Variants in ADAMTSL1 observed in about 807,000 individuals in gnomAD.
The protein encoded by ADAMTSL1 is ADAMTS-like protein 1.
Under a neutral mutation model 201.8 loss-of-function variants are expected in ADAMTSL1, and 126 were observed. The ratio of observed to expected loss-of-function variants is 0.62; its 90% CI spans 0.54 to 0.72. The LOEUF is 0.72. ADAMTSL1 is among the 30% of genes least tolerant of loss of function. The probability of loss-of-function intolerance (pLI) is 0.00; values close to 1 mark genes in which losing one functional copy is unlikely to be tolerated. For missense variants in ADAMTSL1, 2,679 were observed against 2,277.8 expected (o/e 1.18, Z -3.59); for synonymous variants, 1,121 against 903.4 (o/e 1.24, Z -4.32).
chr9:18,431,739 A>G (rs901864150), intron 2 of ADAMTSL1, among the ~76,000 whole-genome samples: 3 of 152,056 alleles, frequency 2.0e-5, no homozygotes, highest in African/African-American at 7.2e-5. Context: ...CCATTCTCCT[A>G]ACTTTTCTTC....
chr9:18,430,040 T>G (rs527429757), intron 2 of ADAMTSL1, among the ~76,000 whole-genome samples: 2 of 152,282 alleles, frequency 1.3e-5, no homozygotes, highest in South Asian at 4.1e-4. Flanking sequence ...TCCACCCATG[T>G]CAGCCTCCCA....
intron 15 of ADAMTSL1, among the ~76,000 whole-genome samples, chr9:18,741,197 C>G (rs548064000): frequency 6.6e-6 from 1 of 151,854 alleles, no homozygotes; most frequent in African/African-American, 2.4e-5. Flanking sequence ...TCTAAAAACC[C>G]GTAAAATCAA....
At chr9:18,442,971 T>C (rs552958253) in intron 2 of ADAMTSL1, among the ~76,000 whole-genome samples, 3 of 152,312 alleles carry the variant, frequency 2.0e-5, no homozygotes, top group South Asian at 4.1e-4. Context: ...GCTCCTTCCA[T>C]GCCAGCCCCT....
At chr9:18,726,066 C>T (rs1349669247) in intron 15 of ADAMTSL1, among the ~76,000 whole-genome samples, 2 of 152,180 alleles carry the variant, frequency 1.3e-5, no homozygotes, top group East Asian at 1.9e-4. Context: ...GAAATAGGAT[C>T]ATAGTAGGCA....
At position 18,884,018 on chromosome 9, in the gene ADAMTSL1, T is replaced by C. The variant is rs902797007; in HGVS notation, c.4250-3813T>C. ...ACTGTTTTCCACAACAGCTGTTCCA[T>C]TTTATATTCCCACTAGCAATGCACA... On this transcript the variant is annotated intron_variant, in intron 23 of 28. Transcript: ENST00000380548. 1.3e-5 allele frequency among the ~76,000 whole-genome samples: 2 copies of C among 152,350 alleles called. 1 individual carries two copies. The highest frequency in any genetic ancestry group is 4.1e-4 in the South Asian group (2 of 4,824).
intron 1 of ADAMTSL1, among the ~76,000 whole-genome samples, chr9:17,915,991 C>G (rs1468118698): frequency 6.6e-6 from 1 of 152,104 alleles, no homozygotes; most frequent in Non-Finnish European, 1.5e-5. Flanking sequence ...ATGATCTTGG[C>G]TCACTGAAAC....
chr9:18,766,317 A>T (rs186490840), intron 16 of ADAMTSL1, among the ~76,000 whole-genome samples: 2 of 152,190 alleles, frequency 1.3e-5, no homozygotes, highest in Admixed American at 6.5e-5. Context: ...AGTATAGATT[A>T]TATTCTCATT....
At chr9:18,638,292 A>G (rs911532903) in intron 6 of ADAMTSL1, among the ~76,000 whole-genome samples, 2 of 152,096 alleles carry the variant, frequency 1.3e-5, no homozygotes, top group Non-Finnish European at 2.9e-5. Context: ...TAGGTACTTG[A>G]GTGCCTCCAG....
chr9:18,100,843 C>T (rs1412010713), intron 1 of ADAMTSL1, among the ~76,000 whole-genome samples: 1 of 152,308 alleles, frequency 6.6e-6, no homozygotes, highest in East Asian at 1.9e-4. Flanking sequence ...AAATTGACCT[C>T]CTATGTTTTC....
chr9:18,465,587 T>G (rs1820972295), intron 2 of ADAMTSL1, among the ~76,000 whole-genome samples: 1 of 152,158 alleles, frequency 6.6e-6, no homozygotes, highest in South Asian at 2.1e-4. Flanking sequence ...CTTGCTCCAC[T>G]GAATGTCCTT....
chr9:18,160,003 C>T (rs1293742685), intron 1 of ADAMTSL1, among the ~76,000 whole-genome samples: 2 of 151,986 alleles, frequency 1.3e-5, no homozygotes, highest in Non-Finnish European at 2.9e-5. Context: ...CCTATATTTA[C>T]CTATGTCCCT....
At chr9:18,772,831 C>T (rs1820770713) in intron 17 of ADAMTSL1, among the ~76,000 whole-genome samples, 1 of 152,172 alleles carries the variant, frequency 6.6e-6, no homozygotes, top group Non-Finnish European at 1.5e-5. Flanking sequence ...TCCTGGTCTT[C>T]CTCAAGAGGA....
In ADAMTSL1 at chr9:18,675,890, C is replaced by G; in HGVS notation, c.1119C>G (p.Leu373=). 3.1e-6 allele frequency: 5 copies of G among 1,613,056 alleles called. No individual in the cohort carries two copies. The East Asian group carries it at 1.1e-4, about 36-fold the overall frequency. Residue 373 remains leucine (L), a synonymous_variant, in exon 10 of 29, where the codon CTC becomes CTG. Transcript: ENST00000380548. ...ACAAGCAGATCATGCCTTATGACCT[C>G]TACCATCCCCTTCCTCGGTACGTAA... The part of the protein sequence containing the change: ...DGYKQIMPYD[L]YHPLPRWEAT...
At chr9:18,769,951 T>A (rs12000894) in intron 16 of ADAMTSL1, among the ~76,000 whole-genome samples, 6 of 152,214 alleles carry the variant, frequency 3.9e-5, no homozygotes, top group Non-Finnish European at 8.8e-5. Context: ...AACTATTCAG[T>A]TACATGTAAA....
chr9:18,583,415 G>C (rs1207068188), intron 4 of ADAMTSL1, among the ~76,000 whole-genome samples: 1 of 152,220 alleles, frequency 6.6e-6, no homozygotes, highest in Non-Finnish European at 1.5e-5. Context: ...CTAGATTTCA[G>C]AAGATGTATG....
At chr9:18,061,467 A>C (rs1359173389) in intron 1 of ADAMTSL1, among the ~76,000 whole-genome samples, 3 of 152,210 alleles carry the variant, frequency 2.0e-5, no homozygotes, top group Non-Finnish European at 4.4e-5. Context: ...TGATGTGAAG[A>C]TCAAACAGGG....
intron 23 of ADAMTSL1, among the ~76,000 whole-genome samples, chr9:18,863,928 G>A (rs986808964): frequency 6.6e-6 from 1 of 152,288 alleles, no homozygotes; most frequent in African/African-American, 2.4e-5. Flanking sequence ...TACACCAAGT[G>A]CCAAGTTTCA....
intron 1 of ADAMTSL1, among the ~76,000 whole-genome samples, chr9:18,011,849 C>A (rs1381343948): frequency 6.6e-6 from 1 of 151,948 alleles, no homozygotes; most frequent in Non-Finnish European, 1.5e-5. Flanking sequence ...ACAATACAAC[C>A]CATGAGTTGC....
intron 1 of ADAMTSL1, among the ~76,000 whole-genome samples, chr9:18,043,322 G>GA (rs1821510280): frequency 5.3e-5 from 8 of 152,078 alleles, no homozygotes. Flanking sequence ...GGTTAGTTGG[G>GA]AAAAAATGCC....
Sources: gnomAD v4.1 joint callset for allele counts (sites outside exome capture counted in the v4.1 genomes callset) on GRCh38, gnomAD v4.1.1 for gene constraint, MANE v1.5 for transcripts, NCBI Gene and HGNC (gene_info 2026-07-23, HGNC 2026-07-21) for gene names.